The following RBM33 variants were observed in gnomAD, a reference collection of about 807,000 sequenced individuals.
RBM33 encodes RNA-binding protein 33.
A neutral mutation model predicts 132.6 loss-of-function variants in RBM33; 28 were observed. The observed-to-expected ratio is 0.21, with a 90% confidence interval of 0.16 to 0.29. The LOEUF is 0.29. RBM33 is among the 10% of genes least tolerant of loss of function. The probability of loss-of-function intolerance (pLI) is 1.00; values close to 1 mark genes in which losing one functional copy is unlikely to be tolerated. For synonymous variants in RBM33, 634 were observed against 593.0 expected (o/e 1.07, Z -1.01); for missense variants, 1,291 against 1,518.5 (o/e 0.85, Z 2.49).
intron 8 of RBM33, among the ~76,000 whole-genome samples, chr7:155,712,584 T>C (rs1800338400): frequency 6.6e-6 from 1 of 152,122 alleles, no homozygotes; most frequent in African/African-American, 2.4e-5. Flanking sequence ...GTGATCAGGG[T>C]GAACTTCACT....
At chr7:155,685,436 G>GGAT (rs1442064228) in intron 5 of RBM33, among the ~76,000 whole-genome samples, 1 of 152,200 alleles carries the variant, frequency 6.6e-6, no homozygotes, top group Non-Finnish European at 1.5e-5. Context: ...GAAGAAGTAA[G>GGAT]GATGATGAAG....
chr7:155,709,460 A>G (rs145865598), intron 7 of RBM33, among the ~76,000 whole-genome samples: 160 of 152,038 alleles, frequency 1.1e-3, no homozygotes, highest in Middle Eastern at 3.4e-3. Flanking sequence ...GCTGTCACCT[A>G]CTGTTTCTCA....
intron 7 of RBM33, among the ~76,000 whole-genome samples, chr7:155,710,839 G>A (rs940586028): frequency 1.3e-5 from 2 of 150,740 alleles, no homozygotes; most frequent in African/African-American, 5.0e-5. Context: ...AGGGAGGGCT[G>A]TGGCAGCTGC....
At chr7:155,763,519 C>T (rs1585543074) in intron 14 of RBM33, among the ~76,000 whole-genome samples, 1 of 152,164 alleles carries the variant, frequency 6.6e-6, no homozygotes, top group Non-Finnish European at 1.5e-5. Context: ...TGAAAATAAC[C>T]AGTATTTCAC....
intron 1 of RBM33, among the ~76,000 whole-genome samples, chr7:155,649,658 T>C (rs1395362726): frequency 6.6e-6 from 1 of 152,230 alleles, no homozygotes; most frequent in Admixed American, 6.5e-5. Flanking sequence ...TTCAGTTGTC[T>C]GGTTTTTTAA....
chr7:155,755,014 C>G (rs1801805444), intron 14 of RBM33, among the ~76,000 whole-genome samples: 1 of 152,174 alleles, frequency 6.6e-6, no homozygotes. Flanking sequence ...TCTTTTACCC[C>G]CTCTTCTTTA....
intron 1 of RBM33, among the ~76,000 whole-genome samples, chr7:155,660,838 C>T (rs1472223719): frequency 1.3e-5 from 2 of 152,026 alleles, no homozygotes; most frequent in African/African-American, 4.8e-5. Flanking sequence ...CTTCTCCTGT[C>T]TGTCCTCTCC....
rs573026544 is a variant in RBM33, at chr7:155,702,822, T to A, written c.739+1878T>A. ...TTGTTATCTGGGCTGTGGCTTTGAT[T>A]ACATACATTTAAAACATGATGTATA... is the stretch of plus-strand genomic sequence containing the variant. On this transcript the variant is annotated intron_variant, in intron 6 of 17. Transcript: ENST00000401878. 3.4e-4 allele frequency among the ~76,000 whole-genome samples: 52 copies of A among 152,376 alleles called. No individual in the cohort carries two copies. In the South Asian group the frequency reaches 8.1e-3, roughly 24 times the overall value.
chr7:155,740,212 A>G (rs1466546959), intron 12 of RBM33, among the ~76,000 whole-genome samples, 186 bp downstream of exon 12: 2 of 152,238 alleles, frequency 1.3e-5, no homozygotes, highest in Non-Finnish European at 2.9e-5. Flanking sequence ...TTTCTTGACT[A>G]CAAGAATTGA....
intron 16 of RBM33, among the ~76,000 whole-genome samples, chr7:155,770,531 C>T (rs948810979): frequency 1.6e-4 from 25 of 151,662 alleles, no homozygotes; most frequent in African/African-American, 5.1e-4. Context: ...ATTTACATCT[C>T]TCATGATTTA....
In RBM33 at chr7:155,780,280, A is replaced by G. The variant is rs1362362282; in HGVS notation, c.*5239A>G. The G allele has an allele frequency of 6.6e-6, 1 of 152,194 alleles. No individual in the cohort carries two copies. Among genetic ancestry groups the G allele is most frequent in the Non-Finnish European group, 1.5e-5 (1 of 68,050 alleles). 9.4% of individuals were successfully genotyped at this position (152,194 alleles called of 1,614,324 possible). On this transcript the variant is annotated 3_prime_UTR_variant, in exon 18 of 18. Coordinates refer to ENST00000401878, the MANE Select transcript of RBM33 (RefSeq NM_053043.3). ...GGGTGCCCTGAGCCGAAGGAGCAAA[A>G]AAAGCCACCGCTCGTTTCTATAATC...
At chr7:155,677,060 G>A (rs1256355591) in intron 3 of RBM33, among the ~76,000 whole-genome samples, 1 of 152,072 alleles carries the variant, frequency 6.6e-6, no homozygotes, top group African/African-American at 2.4e-5. Flanking sequence ...CTTTCCTGAA[G>A]TTTTATTTAC....
chr7:155,739,723 G>C lies in RBM33; in HGVS notation c.1746G>C (p.Leu582Phe). The stretch of plus-strand genomic sequence containing the variant: ...TTCTTTGGAAATGGAAGGGGCCGTT[G>C]CATCCTCCATTGCCCCCTCCGCATC... ...THTQPNLQGP[L>F]HPPLPPPHQP... Residue 582 changes from leucine (L) to phenylalanine (F), a missense_variant, in exon 12 of 18, where the codon TTG becomes TTC. By Grantham distance (22) the Leu-to-Phe change is conservative. This residue lies in a region of RBM33 where 841 missense variants were observed against 912.0 expected (regional missense o/e 0.92). Transcript: ENST00000401878. 6.5e-7 allele frequency: 1 copy of C among 1,545,988 alleles called. No homozygotes were observed. Among genetic ancestry groups the C allele is most frequent in the East Asian group, 2.4e-5 (1 of 40,876 alleles).
intron 6 of RBM33, 109 bp from the exon 7 acceptor site, chr7:155,706,751 A>G: frequency 1.1e-6 from 1 of 888,730 alleles, no homozygotes; most frequent in Admixed American, 2.5e-5. Flanking sequence ...CGGGTGAAGC[A>G]CATGCTGTGG....
At chr7:155,753,751 T>TGGGGCAGGGGAGGAGCGTGGAGGCGC (rs1328786321) in intron 14 of RBM33, among the ~76,000 whole-genome samples, 1 of 152,156 alleles carries the variant, frequency 6.6e-6, no homozygotes, top group Non-Finnish European at 1.5e-5. Flanking sequence ...TTCAGGTGCT[T>TGGGGCAGGGGAGGAGCGTGGAGGCGC]GGGGCAGGGG....
intron 3 of RBM33, among the ~76,000 whole-genome samples, chr7:155,678,028 A>C (rs1298916416): frequency 6.6e-6 from 1 of 152,210 alleles, no homozygotes; most frequent in South Asian, 2.1e-4. Context: ...GGAACTCTTG[A>C]CAGAATAGCT....
Position 155,718,370 on chromosome 7 carries a change from G to C in RBM33, c.1202-15G>C. On this transcript the variant is annotated splice_polypyrimidine_tract_variant and intron_variant, in intron 8 of 17. Coordinates refer to ENST00000401878, the MANE Select transcript of RBM33 (RefSeq NM_053043.3). Reference sequence around the variant, plus strand: ...GAGTAAAGTGTGTCTCTAACACAAGGGGTTTTTCTTGCAGTGCCCTTGCTA... The same window carrying C: ...GAGTAAAGTGTGTCTCTAACACAAGCGGTTTTTCTTGCAGTGCCCTTGCTA... The C allele has an allele frequency of 1.2e-6, 2 of 1,612,900 alleles. No individual in the cohort carries two copies. Among genetic ancestry groups the C allele is most frequent in the Non-Finnish European group, 1.7e-6 (2 of 1,178,998 alleles).
chr7:155,730,496 C>T (rs183089470), intron 9 of RBM33, among the ~76,000 whole-genome samples: 1 of 152,306 alleles, frequency 6.6e-6, no homozygotes, highest in East Asian at 1.9e-4. Flanking sequence ...TTTCCTGCCC[C>T]TGTGAGGTAG....
chr7:155,702,951 C>T (rs1025128435), intron 6 of RBM33, among the ~76,000 whole-genome samples: 5 of 152,208 alleles, frequency 3.3e-5, no homozygotes, highest in African/African-American at 1.2e-4. Flanking sequence ...ACTCTGTAGT[C>T]TGCTCCCTGT....
Sources: allele counts gnomAD v4.1 joint callset (sites outside exome capture counted in the v4.1 genomes callset), GRCh38; gene constraint gnomAD v4.1.1; regional missense constraint gnomAD v4.1.1; transcripts MANE v1.5; gene names NCBI Gene and HGNC (gene_info 2026-07-23, HGNC 2026-07-21).